The following SENP5 variants were observed in gnomAD, a reference collection of about 807,000 sequenced individuals.
SENP5 encodes the protein SUMO specific peptidase 5.
A neutral mutation model predicts 74.2 loss-of-function variants in SENP5; 21 were observed. The observed-to-expected ratio is 0.28, with a 90% confidence interval of 0.20 to 0.41. The LOEUF (loss-of-function observed/expected upper bound fraction) is 0.41. SENP5 is among the 10% of genes least tolerant of loss of function. SENP5 has a pLI of 1.00. For synonymous variants in SENP5, 311 were observed against 312.7 expected (o/e 0.99, Z 0.06); for missense variants, 717 against 889.1 (o/e 0.81, Z 2.46).
At chr3:196,892,288 G>C (rs189842550) in intron 2 of SENP5, among the ~76,000 whole-genome samples, 1 of 151,964 alleles carries the variant, frequency 6.6e-6, no homozygotes, top group Non-Finnish European at 1.5e-5. Context: ...GGACCACAGA[G>C]GTGCGCCACT....
intron 2 of SENP5, among the ~76,000 whole-genome samples, chr3:196,892,390 G>A (rs182475504): frequency 4.0e-5 from 6 of 149,892 alleles, no homozygotes; most frequent in East Asian, 2.0e-4. Context: ...CAAGTGATCC[G>A]CCCGGCTTAG....
intron 1 of SENP5, 124 bp downstream of exon 1, chr3:196,868,197 C>G (rs563599051): frequency 4.3e-4 from 66 of 152,412 alleles, no homozygotes; most frequent in African/African-American, 1.6e-3. Flanking sequence ...CCGCCCTCCC[C>G]CGCCCGAGCT....
intron 1 of SENP5, among the ~76,000 whole-genome samples, chr3:196,884,705 C>T (rs1713876793): frequency 7.3e-6 from 1 of 136,524 alleles, no homozygotes; most frequent in South Asian, 2.3e-4. Context: ...GAGTTTCGCT[C>T]TTGTCACCCA....
intron 7 of SENP5, among the ~76,000 whole-genome samples, chr3:196,924,438 T>C (rs1161612289): frequency 6.6e-6 from 1 of 152,196 alleles, no homozygotes; most frequent in Non-Finnish European, 1.5e-5. Flanking sequence ...GCTAATTTAG[T>C]AAATTTTAGG....
intron 4 of SENP5, 149 bp downstream of exon 4, chr3:196,900,211 A>C (rs1437804294): frequency 1.7e-6 from 2 of 1,180,484 alleles, no homozygotes; most frequent in African/African-American, 3.1e-5. Context: ...AAACGGTTTG[A>C]TTACTATTGG....
intron 6 of SENP5, among the ~76,000 whole-genome samples, chr3:196,916,527 CTTTTT>C (rs36159681): frequency 1.3e-4 from 19 of 143,244 alleles, no homozygotes; most frequent in South Asian, 2.3e-4. Flanking sequence ...AAGAGATTGA[CTTTTT>C]TTTTTTTTTT....
intron 6 of SENP5, among the ~76,000 whole-genome samples, chr3:196,908,236 C>T (rs552792366): frequency 4.6e-5 from 7 of 152,240 alleles, no homozygotes; most frequent in South Asian, 4.1e-4. Flanking sequence ...ACCCTGATCA[C>T]GCCACTGCAC....
At chr3:196,873,611 C>T (rs906964825) in intron 1 of SENP5, among the ~76,000 whole-genome samples, 3 of 151,770 alleles carry the variant, frequency 2.0e-5, no homozygotes, top group Non-Finnish European at 4.4e-5. Context: ...GAGTCTGAGG[C>T]GGGTGGATTG....
At chr3:196,906,708 C>CT (rs555666008) in intron 6 of SENP5, among the ~76,000 whole-genome samples, 93 of 152,278 alleles carry the variant, frequency 6.1e-4, no homozygotes, top group Admixed American at 2.5e-3. Context: ...GTTAAGAAGA[C>CT]AGTGGCATGA....
intron 1 of SENP5, among the ~76,000 whole-genome samples, chr3:196,870,415 C>T (rs956638113): frequency 1.3e-5 from 2 of 152,156 alleles, no homozygotes; most frequent in Admixed American, 6.6e-5. Context: ...TTTAGCAATT[C>T]CTACTCTATT....
rs759554609 is a variant in SENP5 at position 196,900,430 on chromosome 3, C to T, written c.1806+18C>T. 2 of 1,596,802 alleles carry T rather than the reference C, an allele frequency of 1.3e-6. No individual in the cohort carries two copies. The highest frequency in any genetic ancestry group is 4.5e-5 in the East Asian group (2 of 44,478). On this transcript the variant is annotated intron_variant, in intron 5 of 9. Coordinates refer to ENST00000323460, the MANE Select transcript of SENP5 (RefSeq NM_152699.5). Reference sequence around the variant, plus strand: ...CAGACAAAGTAAGTGAAAACTTCCTCTTCTGCAGGAGAGAGTGTTCTTGTG... The same window carrying T: ...CAGACAAAGTAAGTGAAAACTTCCTTTTCTGCAGGAGAGAGTGTTCTTGTG...
chr3:196,883,068 C>A (rs995704527), intron 1 of SENP5, among the ~76,000 whole-genome samples: 1 of 151,634 alleles, frequency 6.6e-6, no homozygotes, highest in Non-Finnish European at 1.5e-5. Flanking sequence ...GTATATAATT[C>A]CATCTTCAAA....
intron 7 of SENP5, among the ~76,000 whole-genome samples, chr3:196,926,752 T>G (rs975913021): frequency 4.0e-5 from 6 of 151,048 alleles, no homozygotes; most frequent in Non-Finnish European, 8.8e-5. Context: ...GATTCTCATG[T>G]CTCAGCCTCT....
At chr3:196,919,457 G>T (rs949418954) in intron 6 of SENP5, among the ~76,000 whole-genome samples, 1 of 152,056 alleles carries the variant, frequency 6.6e-6, no homozygotes, top group Non-Finnish European at 1.5e-5. Flanking sequence ...CTCCAGCCTG[G>T]GCTACAGAGT....
At chr3:196,915,253 G>C (rs1160057835) in intron 6 of SENP5, among the ~76,000 whole-genome samples, 1 of 152,224 alleles carries the variant, frequency 6.6e-6, no homozygotes, top group Non-Finnish European at 1.5e-5. Context: ...CACCAGCTCT[G>C]GTAGTGAAGG....
Position 196,886,204 on chromosome 3 carries a change from C to T in SENP5, c.1023C>T (p.Asp341=), listed in dbSNP as rs34533379. The change falls in exon 2 of 10, where the codon GAC becomes GAT. Residue 341 remains aspartate, a synonymous_variant. Coordinates refer to ENST00000323460, the MANE Select transcript of SENP5 (RefSeq NM_152699.5). ...TCTTGGGCAAGGAGCTTAGTTTAGA[C>T]GAAGCATTCCCTGACCAACAGAATG... The part of the protein sequence containing the change: ...SSFLGKELSL[D]EAFPDQQNGS... 354,327 of 1,613,960 alleles carry T rather than the reference C, an allele frequency of 0.22. 40,593 individuals are homozygous for T. Among genetic ancestry groups the T allele is most frequent in the African/African-American group, 0.34 (25,725 of 74,958 alleles).
intron 2 of SENP5, among the ~76,000 whole-genome samples, chr3:196,890,874 C>T (rs899632363): frequency 6.6e-6 from 1 of 152,102 alleles, no homozygotes; most frequent in Non-Finnish European, 1.5e-5. Context: ...ATAGCACATC[C>T]AAGAGAAATA....
At chr3:196,880,822 G>C (rs1713693985) in intron 1 of SENP5, among the ~76,000 whole-genome samples, 1 of 151,920 alleles carries the variant, frequency 6.6e-6, no homozygotes, top group Non-Finnish European at 1.5e-5. Context: ...TGTATTTTTA[G>C]TAGAGACAGG....
At chr3:196,906,785 G>A (rs1187290272) in intron 6 of SENP5, among the ~76,000 whole-genome samples, 5 of 152,162 alleles carry the variant, frequency 3.3e-5, no homozygotes, top group Non-Finnish European at 5.9e-5. Context: ...AATGTAATAG[G>A]AAACCATTGA....
Sources: allele counts gnomAD v4.1 joint callset (sites outside exome capture counted in the v4.1 genomes callset), GRCh38; gene constraint gnomAD v4.1.1; transcripts MANE v1.5; gene names NCBI Gene and HGNC (gene_info 2026-07-23, HGNC 2026-07-21).